The following CADPS2 variants were observed in gnomAD, a reference collection of about 807,000 sequenced individuals.
CADPS2 encodes the protein calcium dependent secretion activator 2, also known as calcium-dependent secretion activator 2.
CADPS2 carries 93 observed loss-of-function variants against 172.5 expected under a neutral mutation model. That is an observed-to-expected ratio of 0.54 (90% CI 0.46 to 0.64). CADPS2 has a LOEUF of 0.64. Among genes scored for constraint, CADPS2 ranks in the 30% least tolerant of loss-of-function variants. The pLI is 0.00. For synonymous variants in CADPS2, 546 were observed against 555.2 expected (o/e 0.98, Z 0.23); for missense variants, 1,420 against 1,565.9 (o/e 0.91, Z 1.57).
At chr7:122,813,621 C>T (rs1049128156) in intron 1 of CADPS2, among the ~76,000 whole-genome samples, 10 of 151,980 alleles carry the variant, frequency 6.6e-5, no homozygotes, top group African/African-American at 1.4e-4. Context: ...CTTAAGTAAA[C>T]GCCTGGAAAT....
rs1343795409 is a variant in CADPS2, at chr7:122,397,419, T to TG, written c.2747-3838dup. On this transcript the variant is annotated intron_variant, in intron 20 of 29. Coordinates refer to ENST00000449022, the MANE Select transcript of CADPS2 (RefSeq NM_017954.11). ...GGGGAAGGAGGGAGTGGGGGAGAAATGGGGGAGACAAAGAGAAAATGATGG... is the reference window on the plus strand; with the variant it reads ...GGGGAAGGAGGGAGTGGGGGAGAAATGGGGGGAGACAAAGAGAAAATGATGG... Among the ~76,000 whole-genome samples the TG allele has an allele frequency of 3.2e-5, 3 of 93,944 alleles. No individual in the cohort carries two copies. In the East Asian group the frequency reaches 1.1e-3, roughly 35 times the overall value. 61.6% of individuals were successfully genotyped at this position (93,944 alleles called of 152,430 possible).
intron 2 of CADPS2, among the ~76,000 whole-genome samples, chr7:122,706,579 G>GTA (rs147241900): frequency 1.7e-3 from 241 of 144,128 alleles, no homozygotes; most frequent in Non-Finnish European, 1.9e-3. Context: ...CAGCGAATAT[G>GTA]TATATATATA....
chr7:122,862,684 G>A (rs559703097), intron 1 of CADPS2, among the ~76,000 whole-genome samples: 22 of 151,678 alleles, frequency 1.5e-4, no homozygotes, highest in African/African-American at 5.1e-4. Context: ...ACTATTTTTT[G>A]CTGGACCCTA....
intron 15 of CADPS2, among the ~76,000 whole-genome samples, chr7:122,443,292 A>G (rs1467301528): frequency 6.6e-6 from 1 of 152,248 alleles, no homozygotes; most frequent in Non-Finnish European, 1.5e-5. Context: ...AGTACAGAAA[A>G]TAACTACATA....
intron 2 of CADPS2, among the ~76,000 whole-genome samples, chr7:122,679,276 G>C (rs942705888): frequency 8.9e-6 from 1 of 111,768 alleles, no homozygotes; most frequent in African/African-American, 3.0e-5. Flanking sequence ...GGGGGGGGGG[G>C]GCTCTAAAAT....
chr7:122,822,361 C>A (rs1028378456), intron 1 of CADPS2, among the ~76,000 whole-genome samples: 6 of 151,990 alleles, frequency 3.9e-5, no homozygotes, highest in Admixed American at 3.9e-4. Context: ...AATATCACCC[C>A]TTACCACAAG....
chr7:122,361,248 A>ATTTTTTTTT (rs1181719835), intron 25 of CADPS2, among the ~76,000 whole-genome samples: 17 of 111,176 alleles, frequency 1.5e-4, no homozygotes, highest in African/African-American at 6.3e-4. Flanking sequence ...TTTTTTTTTA[A>ATTTTTTTTT]AATGAGATGG....
At chr7:122,721,943 C>A (rs2090463282) in intron 2 of CADPS2, among the ~76,000 whole-genome samples, 1 of 152,250 alleles carries the variant, frequency 6.6e-6, no homozygotes, top group South Asian at 2.1e-4. Flanking sequence ...ACAAAAAACA[C>A]ATGATTATCT....
chr7:122,544,253 A>G (rs968998044), intron 8 of CADPS2, among the ~76,000 whole-genome samples: 6 of 152,158 alleles, frequency 3.9e-5, no homozygotes, highest in African/African-American at 1.4e-4. Context: ...GATTATATAT[A>G]TGCACAAATA....
Position 122,575,795 on chromosome 7 carries a change from C to A in CADPS2, c.1335+5384G>T, listed in dbSNP as rs542107085. On this transcript the variant is annotated intron_variant, in intron 7 of 29. Coordinates refer to ENST00000449022, the MANE Select transcript of CADPS2 (RefSeq NM_017954.11). ...GGCATTTCATAAAATATTTAAAAGC[C>A]TTTTTTATTATAAATGTTTATAATA... 1.1e-4 allele frequency among the ~76,000 whole-genome samples: 17 copies of A among 152,104 alleles called. No individual in the cohort carries two copies. The South Asian group carries it at 3.1e-3, about 28-fold the overall frequency.
At chr7:122,819,439 G>A (rs143005851) in intron 1 of CADPS2, among the ~76,000 whole-genome samples, 2,363 of 152,164 alleles carry the variant, frequency 0.016, 24 homozygotes, top group Non-Finnish European at 0.024. Flanking sequence ...CATCACGGAC[G>A]CCAAGCTTCG....
intron 7 of CADPS2, among the ~76,000 whole-genome samples, chr7:122,575,231 A>G (rs2067858539): frequency 6.6e-6 from 1 of 151,968 alleles, no homozygotes; most frequent in Admixed American, 6.6e-5. Flanking sequence ...AAGAGCTACA[A>G]CAGCCCAGTG....
chr7:122,701,214 G>A (rs370238800), intron 2 of CADPS2, among the ~76,000 whole-genome samples: 19 of 152,204 alleles, frequency 1.2e-4, no homozygotes, highest in Middle Eastern at 3.4e-3. Flanking sequence ...AAAGGGATAC[G>A]ATTAAGAAAA....
intron 9 of CADPS2, among the ~76,000 whole-genome samples, chr7:122,494,265 AT>A (rs1212537208): frequency 6.6e-6 from 1 of 152,180 alleles, no homozygotes; most frequent in African/African-American, 2.4e-5. Context: ...AAGGCTGACT[AT>A]TTTTTATGCA....
intron 7 of CADPS2, among the ~76,000 whole-genome samples, chr7:122,563,493 C>G (rs914433541): frequency 2.0e-5 from 3 of 152,146 alleles, no homozygotes; most frequent in Admixed American, 6.6e-5. Context: ...AAATAAATAT[C>G]TAGAGGCAAA....
At chr7:122,701,810 C>T (rs758845454) in intron 2 of CADPS2, 1 of 1,464,822 alleles carries the variant, frequency 6.8e-7, no homozygotes, top group Non-Finnish European at 9.4e-7. Flanking sequence ...CTGGTTACAT[C>T]TTCAGAAAAT....
chr7:122,639,245 TGTTTTGA>T (rs747823427), intron 3 of CADPS2, among the ~76,000 whole-genome samples: 15 of 152,342 alleles, frequency 9.8e-5, no homozygotes, highest in African/African-American at 3.6e-4. Flanking sequence ...TAATGTTGCA[TGTTTTGA>T]GTTTTGAGTT....
intron 2 of CADPS2, chr7:122,702,039 G>C (rs763447906): frequency 6.2e-7 from 1 of 1,613,420 alleles, no homozygotes; most frequent in Non-Finnish European, 8.5e-7. Flanking sequence ...AGTTGAAGCT[G>C]GTCAATAGCT....
chr7:122,799,055 T>C (rs1796996473), intron 1 of CADPS2, among the ~76,000 whole-genome samples: 1 of 151,782 alleles, frequency 6.6e-6, no homozygotes, highest in Non-Finnish European at 1.5e-5. Context: ...CACATTTTCA[T>C]ACAGTCACAA....
Sources: allele counts gnomAD v4.1 joint callset (sites outside exome capture counted in the v4.1 genomes callset), GRCh38; gene constraint gnomAD v4.1.1; transcripts MANE v1.5; gene names NCBI Gene and HGNC (gene_info 2026-07-23, HGNC 2026-07-21).